Variants in CACNA1D observed in about 807,000 individuals in gnomAD.
The protein encoded by CACNA1D is calcium voltage-gated channel subunit alpha1 D.
CACNA1D carries 55 observed loss-of-function variants against 257.1 expected under a neutral mutation model. The ratio of observed to expected loss-of-function variants is 0.21; its 90% CI spans 0.17 to 0.27. The LOEUF (loss-of-function observed/expected upper bound fraction) is 0.27. CACNA1D is among the 10% of genes least tolerant of loss of function. The probability of loss-of-function intolerance (pLI) is 1.00; values close to 1 mark genes in which losing one functional copy is unlikely to be tolerated. For synonymous variants in CACNA1D, 980 were observed against 1,014.9 expected (o/e 0.97, Z 0.65); for missense variants, 1,876 against 2,784.0 (o/e 0.67, Z 7.34).
At chr3:53,496,498 T>A (rs902960072) in intron 1 of CACNA1D, among the ~76,000 whole-genome samples, 8 of 152,238 alleles carry the variant, frequency 5.3e-5, no homozygotes, top group African/African-American at 1.9e-4. Context: ...TGTTTTCTGT[T>A]TTCGGAAGCC....
At chr3:53,638,863 G>T (rs2093916306) in intron 3 of CACNA1D, among the ~76,000 whole-genome samples, 2 of 152,330 alleles carry the variant, frequency 1.3e-5, no homozygotes, top group African/African-American at 4.8e-5. Flanking sequence ...TGGGTCCTCG[G>T]TTTGCTGAGT....
intron 8 of CACNA1D, among the ~76,000 whole-genome samples, chr3:53,700,042 A>G (rs1179191510): frequency 6.7e-6 from 1 of 149,696 alleles, no homozygotes; most frequent in Non-Finnish European, 1.5e-5. Flanking sequence ...TTTATAATGT[A>G]TGTAATTATA....
Position 53,812,300 on chromosome 3 carries a change from G to A in CACNA1D, c.*894G>A, listed in dbSNP as rs2095603890. 1 of 152,164 alleles carries A rather than the reference G, an allele frequency of 6.6e-6. No individual in the cohort carries two copies. The highest frequency in any genetic ancestry group is 1.5e-5 in the Non-Finnish European group (1 of 68,038). 9.4% of individuals were successfully genotyped at this position (152,164 alleles called of 1,614,324 possible). A position where few individuals can be genotyped will look rare whatever the true frequency, so the allele number is the denominator to read the frequency against. Reference sequence around the variant, plus strand: ...CCCCACTAAAATCTAGAAATTATTAGTATTTTTACTCGGGCTATCCAGAAG... The same window carrying A: ...CCCCACTAAAATCTAGAAATTATTAATATTTTTACTCGGGCTATCCAGAAG... On this transcript the variant is annotated 3_prime_UTR_variant, in exon 48 of 48. Transcript: ENST00000350061.
intron 8 of CACNA1D, among the ~76,000 whole-genome samples, chr3:53,697,331 G>A (rs1387656165): frequency 1.3e-5 from 2 of 152,150 alleles, no homozygotes; most frequent in African/African-American, 4.8e-5. Flanking sequence ...AGTAGGGCTT[G>A]TTTTGTTGGA....
chr3:53,756,767 C>T (rs1325028236), intron 29 of CACNA1D, among the ~76,000 whole-genome samples: 1 of 152,198 alleles, frequency 6.6e-6, no homozygotes, highest in Non-Finnish European at 1.5e-5. Context: ...GTGCTGGCTG[C>T]AGCAGGTATA....
rs959324592 is a variant in CACNA1D, at chr3:53,666,449, A to G, written c.1030A>G (p.Ile344Val). ...TGGCTGGGTTGGCCCGAACGGAGGC[A>G]TCACCAACTTTGATAACTTTGCCTT... ...RSGWVGPNGG[I>V]TNFDNFAFAM... is the part of the protein sequence containing the mutation. The change falls in exon 7 of 48, where the codon ATC becomes GTC. Residue 344 changes from isoleucine (I) to valine (V), a missense_variant. Ile to Val is a conservative substitution (Grantham distance 29). Around this residue, in one of 10 missense-constraint regions of CACNA1D, gnomAD observed 188 missense variants for 390.4 expected, o/e 0.48. Coordinates refer to ENST00000350061, the MANE Select transcript of CACNA1D (RefSeq NM_001128840.3). 2 of 1,614,220 alleles carry G rather than the reference A, an allele frequency of 1.2e-6. No individual in the cohort carries two copies. Among genetic ancestry groups the G allele is most frequent in the Admixed American group, 3.3e-5 (2 of 60,030 alleles).
At chr3:53,713,543 T>TGTGA (rs377132134) in intron 9 of CACNA1D, among the ~76,000 whole-genome samples, 21,447 of 120,446 alleles carry the variant, frequency 0.18, 2,314 homozygotes, top group East Asian at 0.61. Context: ...TGTGTGTGTG[T>TGTGA]GAGAGATTTG....
chr3:53,653,747 GGA>G (rs1235061040), intron 4 of CACNA1D, among the ~76,000 whole-genome samples: 1 of 151,830 alleles, frequency 6.6e-6, no homozygotes, highest in Non-Finnish European at 1.5e-5. Flanking sequence ...AGCCTCAGAA[GGA>G]GAGGAGAGAA....
chr3:53,683,322 G>C (rs1576340706), intron 8 of CACNA1D, among the ~76,000 whole-genome samples: 1 of 152,294 alleles, frequency 6.6e-6, no homozygotes, highest in African/African-American at 2.4e-5. Flanking sequence ...TGGGTACTGA[G>C]ACTTCAGAAA....
intron 45 of CACNA1D, 27 bp downstream of exon 45, chr3:53,805,173 G>C (rs1338514963): frequency 6.2e-7 from 1 of 1,607,370 alleles, no homozygotes; most frequent in Non-Finnish European, 8.5e-7. Context: ...TGTTTTGGGT[G>C]GAACCTCCCG....
intron 15 of CACNA1D, among the ~76,000 whole-genome samples, chr3:53,729,264 T>A (rs1302618162): frequency 1.3e-5 from 2 of 152,240 alleles, no homozygotes; most frequent in African/African-American, 4.8e-5. Context: ...GTTTCTCTCC[T>A]CTTTAAAACC....
At chr3:53,538,659 GTC>G (rs1234022908) in intron 3 of CACNA1D, among the ~76,000 whole-genome samples, 1 of 152,156 alleles carries the variant, frequency 6.6e-6, no homozygotes, top group Non-Finnish European at 1.5e-5. Flanking sequence ...TGACCTAGTA[GTC>G]TCTGATAGCT....
chr3:53,740,312 C>A lies in CACNA1D; in HGVS notation c.2784C>A (p.Ala928=), dbSNP rs1463213283. 6.2e-7 allele frequency: 1 copy of A among 1,612,108 alleles called. No homozygotes were observed. The highest frequency in any genetic ancestry group is 1.7e-5 in the Admixed American group (1 of 60,032). Residue 928 remains alanine, a synonymous_variant, in exon 21 of 48, where the codon GCC becomes GCA. Coordinates refer to ENST00000350061, the MANE Select transcript of CACNA1D (RefSeq NM_001128840.3). ...ILGYFDYAFT[A]IFTVEILLKM... is the part of the protein sequence containing the mutation. Reference sequence around the variant, plus strand: ...GTTACTTTGACTATGCCTTCACAGCCATCTTTACTGTTGAGATCCTGTTGA... The same window carrying A: ...GTTACTTTGACTATGCCTTCACAGCAATCTTTACTGTTGAGATCCTGTTGA...
At chr3:53,691,798 C>CATATATAATATATATTATATATTAT (rs1559522508) in intron 8 of CACNA1D, among the ~76,000 whole-genome samples, 1 of 59,208 alleles carries the variant, frequency 1.7e-5, no homozygotes, top group East Asian at 4.1e-4. Flanking sequence ...ATATATATTA[C>CATATATAATATATATTATATATTAT]ATATATAATA....
rs941570267 is a variant in CACNA1D at position 53,811,979 on chromosome 3, A to G, written c.*573A>G. ...AACCCAGCTACCAGTGATTATTGCG[A>G]GGGCAATGGGACCTCATAAATAAGG... On this transcript the variant is annotated 3_prime_UTR_variant, in exon 48 of 48. Coordinates refer to ENST00000350061, the MANE Select transcript of CACNA1D (RefSeq NM_001128840.3). The surrounding 1 kb of genome is among the most constrained non-coding windows in gnomAD (Gnocchi z 4.2). The G allele has an allele frequency of 2.6e-5, 4 of 152,634 alleles. No homozygotes were observed. The highest frequency in any genetic ancestry group is 6.5e-5 in the Admixed American group (1 of 15,282). The allele number at this position is 152,634 out of a possible 1,614,324, so 9.5% of individuals were successfully genotyped here.
At chr3:53,592,451 C>T (rs141403931) in intron 3 of CACNA1D, among the ~76,000 whole-genome samples, 23 of 152,178 alleles carry the variant, frequency 1.5e-4, no homozygotes, top group African/African-American at 5.5e-4. Flanking sequence ...CTAAAAGGGC[C>T]TTGGATGTTA....
At chr3:53,526,368 T>C (rs1442120702) in intron 3 of CACNA1D, among the ~76,000 whole-genome samples, 2 of 152,200 alleles carry the variant, frequency 1.3e-5, no homozygotes, top group African/African-American at 4.8e-5. Flanking sequence ...TGGGGCTGTA[T>C]TCCCACCTGA....
In CACNA1D at chr3:53,723,618, G is replaced by T; in HGVS notation, c.1851G>T (p.Val617=). 1.2e-6 allele frequency: 2 copies of T among 1,614,142 alleles called. No homozygotes were observed. ...LEIMSPLGIS[V]FRCVRLLRIF... is the part of the protein sequence containing the mutation. ...TCATGTCTCCCCTGGGGATCTCTGT[G>T]TTTCGGTGTGTGCGCCTCTTAAGAA... The change falls in exon 13 of 48, where the codon GTG becomes GTT. Residue 617 remains valine (V), a synonymous_variant. Transcript: ENST00000350061. The surrounding 1 kb of genome is among the most constrained non-coding windows in gnomAD (Gnocchi z 5.6).
Position 53,732,060 on chromosome 3 carries a change from CT to C in CACNA1D, c.2452del (p.Tyr818IlefsTer8). ...GAGAAGAGGATGAAGACAAGGACCC[CT>C]ATCCGCCTTGCGATGTGCCAGGTAT... ...YREEDEDKDPYPPCDVPVGEE... is the reference protein window; with the variant it reads ...YREEDEDKDPXPPCDVPVGEE... On this transcript the variant is annotated frameshift_variant, in exon 18 of 48. Coordinates refer to ENST00000350061, the MANE Select transcript of CACNA1D (RefSeq NM_001128840.3). LOFTEE classifies it high-confidence loss of function. 6.2e-7 allele frequency: 1 copy of C among 1,613,166 alleles called. No individual in the cohort carries two copies. Among genetic ancestry groups the C allele is most frequent in the Non-Finnish European group, 8.5e-7 (1 of 1,179,028 alleles).
Sources: gnomAD v4.1 joint callset for allele counts (sites outside exome capture counted in the v4.1 genomes callset) on GRCh38, gnomAD v4.1.1 for gene constraint, gnomAD v4.1.1 regional missense constraint, Gnocchi (gnomAD v3.1) non-coding constraint, MANE v1.5 for transcripts, NCBI Gene and HGNC (gene_info 2026-07-23, HGNC 2026-07-21) for gene names.